MRPL15: variants seen among roughly 807,000 people sequenced by gnomAD.
MRPL15 encodes mitochondrial ribosomal protein L15.
In MRPL15, 24 loss-of-function variants were observed where a neutral mutation model predicts 28.0. That is an observed-to-expected ratio of 0.86 (90% CI 0.62 to 1.21). The LOEUF is 1.21. MRPL15 is among the 50% of genes most tolerant of loss of function. MRPL15 has a pLI of 0.00. For missense variants in MRPL15, 343 were observed against 372.4 expected (o/e 0.92, Z 0.65); for synonymous variants, 124 against 137.0 (o/e 0.90, Z 0.66).
intron 3 of MRPL15, among the ~76,000 whole-genome samples, chr8:54,141,559 G>GA (rs1810926430): frequency 6.6e-6 from 1 of 152,068 alleles, no homozygotes; most frequent in Non-Finnish European, 1.5e-5. Context: ...AAAGTGATAG[G>GA]ACCTCAAAGC....
In MRPL15 at chr8:54,142,698, A is replaced by G. The variant is rs748251171; in HGVS notation, c.465A>G (p.Glu155=). Residue 155 remains glutamate (E), a synonymous_variant, in exon 4 of 5, where the codon GAA becomes GAG. Transcript: ENST00000260102. ...ADTFTAKVNI[E]VQLASELAIA... ...CCTTTACGGCAAAAGTTAATATTGA[A>G]GTACAGTTGGCTTCAGAACTAGCTA... 1.2e-6 allele frequency: 2 copies of G among 1,614,126 alleles called. No individual in the cohort carries two copies. The highest frequency in any genetic ancestry group is 1.1e-5 in the South Asian group (1 of 91,070).
At chr8:54,147,310 A>G in intron 4 of MRPL15, 72 bp from the exon 5 acceptor site, 5 of 1,094,996 alleles carry the variant, frequency 4.6e-6, no homozygotes, top group Non-Finnish European at 6.5e-6. Flanking sequence ...TCTCTATGTT[A>G]GAGTTACATC....
chr8:54,141,185 G>A (rs561624390), intron 3 of MRPL15, among the ~76,000 whole-genome samples: 1 of 152,296 alleles, frequency 6.6e-6, no homozygotes, highest in South Asian at 2.1e-4. Context: ...TACAGATACT[G>A]TGACTAAACT....
At chr8:54,138,010 A>G (rs1810858147) in intron 3 of MRPL15, among the ~76,000 whole-genome samples, 1 of 151,740 alleles carries the variant, frequency 6.6e-6, no homozygotes, top group Non-Finnish European at 1.5e-5. Context: ...GCTGGAGTGC[A>G]GTGGCACGAT....
intron 4 of MRPL15, among the ~76,000 whole-genome samples, chr8:54,143,224 G>A (rs551476741): frequency 2.6e-5 from 4 of 152,200 alleles, no homozygotes; most frequent in Non-Finnish European, 5.9e-5. Context: ...GGGGTTACAG[G>A]TGCCTGCCAC....
At position 54,135,395 on chromosome 8, in the gene MRPL15, A is replaced by G; in HGVS notation, c.108+4A>G. ...GAATCCCGGCTCCAAGAAACCGGTA[A>G]ATGGGTGGTGGCGGTGCGGGGAAGC... is the stretch of plus-strand genomic sequence containing the variant. On this transcript the variant is annotated splice_donor_region_variant and intron_variant, in intron 1 of 4. Transcript: ENST00000260102. The G allele has an allele frequency of 6.5e-7, 1 of 1,528,078 alleles. No individual in the cohort carries two copies. Among genetic ancestry groups the G allele is most frequent in the Non-Finnish European group, 8.8e-7 (1 of 1,135,370 alleles). 94.7% of individuals were successfully genotyped at this position (1,528,078 alleles called of 1,614,324 possible). A position where few individuals can be genotyped will look rare whatever the true frequency, so the allele number is the denominator to read the frequency against.
intron 4 of MRPL15, among the ~76,000 whole-genome samples, chr8:54,146,214 A>AG (rs1811043685): frequency 1.3e-5 from 2 of 152,232 alleles, no homozygotes; most frequent in Admixed American, 1.3e-4. Context: ...TGGGAGGCCA[A>AG]GTGAAGTGGA....
At chr8:54,146,655 AC>A (rs1186000700) in intron 4 of MRPL15, among the ~76,000 whole-genome samples, 1 of 152,120 alleles carries the variant, frequency 6.6e-6, no homozygotes, top group Non-Finnish European at 1.5e-5. Context: ...GATTTCTGTA[AC>A]CAGCTTTGGT....
At chr8:54,146,713 T>C (rs1811051120) in intron 4 of MRPL15, among the ~76,000 whole-genome samples, 1 of 152,262 alleles carries the variant, frequency 6.6e-6, no homozygotes, top group Non-Finnish European at 1.5e-5. Flanking sequence ...GTTGTATTCA[T>C]ACAGTTATCT....
intron 3 of MRPL15, among the ~76,000 whole-genome samples, chr8:54,137,941 G>C (rs1484021728): frequency 6.6e-6 from 1 of 151,916 alleles, no homozygotes; most frequent in Admixed American, 6.6e-5. Flanking sequence ...TATCTGTAAA[G>C]CTTGCCTTCT....
chr8:54,140,734 C>T (rs982399076), intron 3 of MRPL15, among the ~76,000 whole-genome samples: 2 of 151,784 alleles, frequency 1.3e-5, no homozygotes, highest in African/African-American at 2.4e-5. Flanking sequence ...CCACCATGGC[C>T]GGCTAATTTA....
chr8:54,140,796 G>C (rs932818171), intron 3 of MRPL15, among the ~76,000 whole-genome samples: 2 of 151,420 alleles, frequency 1.3e-5, no homozygotes, highest in African/African-American at 4.9e-5. Context: ...GTTAGCCAGG[G>C]TGGTCTTGAT....
chr8:54,135,454 C>A, intron 1 of MRPL15, 63 bp downstream of exon 1: 1 of 1,389,628 alleles, frequency 7.2e-7, no homozygotes. Flanking sequence ...CGGCCCTTCT[C>A]TCCCTGTCAT....
chr8:54,143,984 C>T (rs1158302807), intron 4 of MRPL15, among the ~76,000 whole-genome samples: 2 of 152,268 alleles, frequency 1.3e-5, no homozygotes, highest in Non-Finnish European at 2.9e-5. Context: ...CACACATGCA[C>T]ATGCATGGTG....
At chr8:54,136,754 T>G in intron 2 of MRPL15, 89 bp downstream of exon 2, 1 of 1,475,668 alleles carries the variant, frequency 6.8e-7, no homozygotes, top group South Asian at 1.3e-5. Context: ...TGGTGGAAAT[T>G]GTAAATTCAC....
intron 3 of MRPL15, among the ~76,000 whole-genome samples, chr8:54,141,177 C>T (rs1248084710): frequency 6.6e-6 from 1 of 152,174 alleles, no homozygotes; most frequent in Non-Finnish European, 1.5e-5. Context: ...GTTAAGAATA[C>T]AGATACTGTG....
Position 54,147,760 on chromosome 8 carries a change from A to G in MRPL15, c.*41A>G, listed in dbSNP as rs1184515091. On this transcript the variant is annotated 3_prime_UTR_variant, in exon 5 of 5. Coordinates refer to ENST00000260102, the MANE Select transcript of MRPL15 (RefSeq NM_014175.4). The stretch of plus-strand genomic sequence containing the variant: ...AGCAGAGTTGTTAAAGAGTACTGGA[A>G]TAGGGGCTGAAGGATCTATATTCCC... 1.3e-6 allele frequency: 2 copies of G among 1,513,450 alleles called. No homozygotes were observed. The highest frequency in any genetic ancestry group is 1.8e-6 in the Non-Finnish European group (2 of 1,116,204). 93.8% of individuals were successfully genotyped at this position (1,513,450 alleles called of 1,614,324 possible).
intron 3 of MRPL15, among the ~76,000 whole-genome samples, chr8:54,141,592 A>G (rs1197164677): frequency 1.3e-5 from 2 of 152,178 alleles, no homozygotes; most frequent in African/African-American, 4.8e-5. Flanking sequence ...AATAGGAATT[A>G]TAGTCGTCCC....
intron 1 of MRPL15, 57 bp downstream of exon 1, chr8:54,135,448 C>T: frequency 7.1e-7 from 1 of 1,412,190 alleles, no homozygotes; most frequent in African/African-American, 1.5e-5. Flanking sequence ...TGAAAGCGGC[C>T]CTTCTCTCCC....
Sources: gnomAD v4.1 joint callset for allele counts (sites outside exome capture counted in the v4.1 genomes callset) on GRCh38, gnomAD v4.1.1 for gene constraint, MANE v1.5 for transcripts, NCBI Gene and HGNC (gene_info 2026-07-23, HGNC 2026-07-21) for gene names.